The following MCC variants were observed in gnomAD, a reference collection of about 807,000 sequenced individuals.
The protein encoded by MCC is MCC regulator of Wnt signaling pathway, also known as colorectal mutant cancer protein.
A neutral mutation model predicts 116.2 loss-of-function variants in MCC; 90 were observed. The observed-to-expected ratio is 0.77, with a 90% CI of 0.65 to 0.92. The LOEUF is 0.92. Ranked by LOEUF, MCC falls within the 40% of genes least tolerant of loss-of-function variation. The probability of loss-of-function intolerance (pLI) is 0.00; values close to 1 mark genes in which losing one functional copy is unlikely to be tolerated. For missense variants in MCC, 1,516 were observed against 1,312.2 expected (o/e 1.16, Z -2.40); for synonymous variants, 578 against 510.5 (o/e 1.13, Z -1.78).
intron 1 of MCC, among the ~76,000 whole-genome samples, chr5:113,467,212 G>T (rs922972810): frequency 4.6e-5 from 7 of 151,508 alleles, no homozygotes; most frequent in African/African-American, 1.7e-4. Context: ...GTCAATTTTG[G>T]TTTTTGTTGC....
chr5:113,242,733 C>A (rs1561480836), intron 3 of MCC, among the ~76,000 whole-genome samples: 2 of 152,118 alleles, frequency 1.3e-5, no homozygotes. Context: ...AGTTCAAGAC[C>A]ATGCACCACA....
intron 3 of MCC, among the ~76,000 whole-genome samples, chr5:113,303,160 A>G (rs559867330): frequency 6.6e-6 from 1 of 152,342 alleles, no homozygotes. Flanking sequence ...AGGGGATGTC[A>G]ATAGCAGTTG....
chr5:113,159,043 T>C (rs1309069880), intron 3 of MCC, among the ~76,000 whole-genome samples: 1 of 151,998 alleles, frequency 6.6e-6, no homozygotes, highest in Non-Finnish European at 1.5e-5. Flanking sequence ...CCCATGTGAT[T>C]TTGGGTGGGA....
At chr5:113,045,152 G>A (rs1457771867) in intron 16 of MCC, among the ~76,000 whole-genome samples, 6 of 152,058 alleles carry the variant, frequency 3.9e-5, no homozygotes, top group Admixed American at 2.0e-4. Flanking sequence ...TTAACATTTC[G>A]TGAGACTCCT....
intron 3 of MCC, among the ~76,000 whole-genome samples, chr5:113,296,834 T>A (rs1320057581): frequency 2.0e-5 from 3 of 152,236 alleles, no homozygotes; most frequent in African/African-American, 7.2e-5. Flanking sequence ...GTGTTGAATG[T>A]GATTCTGGTG....
At chr5:113,054,223 G>A (rs1436489158) in intron 14 of MCC, among the ~76,000 whole-genome samples, 1 of 152,180 alleles carries the variant, frequency 6.6e-6, no homozygotes, top group Non-Finnish European at 1.5e-5. Flanking sequence ...TTCCACAGAA[G>A]CAAAAAGATA....
intron 10 of MCC, among the ~76,000 whole-genome samples, chr5:113,083,223 A>G (rs1056550206): frequency 6.6e-6 from 1 of 151,984 alleles, no homozygotes; most frequent in African/African-American, 2.4e-5. Context: ...GGATCAAAAT[A>G]TGGCTCCTTC....
chr5:113,202,482 G>A (rs898945063), intron 3 of MCC, among the ~76,000 whole-genome samples: 3 of 152,110 alleles, frequency 2.0e-5, no homozygotes, highest in Admixed American at 6.6e-5. Context: ...TCGACAATAC[G>A]TACATAGTTA....
At chr5:113,476,033 C>G (rs1199767378) in intron 1 of MCC, among the ~76,000 whole-genome samples, 1 of 151,984 alleles carries the variant, frequency 6.6e-6, no homozygotes, top group Non-Finnish European at 1.5e-5. Context: ...TATGTTGACT[C>G]AAAATAAAAA....
At chr5:113,037,380 TG>T (rs1371250192) in intron 17 of MCC, among the ~76,000 whole-genome samples, 2 of 152,206 alleles carry the variant, frequency 1.3e-5, no homozygotes, top group Non-Finnish European at 2.9e-5. Context: ...TCAAGGGCTC[TG>T]TGGGCCACTG....
intron 3 of MCC, among the ~76,000 whole-genome samples, chr5:113,324,721 C>T (rs1829210): frequency 6.6e-6 from 1 of 152,170 alleles, no homozygotes; most frequent in Non-Finnish European, 1.5e-5. Flanking sequence ...AGCTGTTACT[C>T]TGAGCTGACA....
intron 3 of MCC, among the ~76,000 whole-genome samples, chr5:113,253,394 G>C (rs1249564018): frequency 6.6e-6 from 1 of 152,178 alleles, no homozygotes; most frequent in Non-Finnish European, 1.5e-5. Flanking sequence ...CAAGTGATCT[G>C]CCAGGAGGGA....
At chr5:113,418,674 A>G (rs959649726) in intron 1 of MCC, among the ~76,000 whole-genome samples, 1 of 144,796 alleles carries the variant, frequency 6.9e-6, no homozygotes, top group Non-Finnish European at 1.5e-5. Flanking sequence ...CAAGTGGCAA[A>G]ATCTTCATCA....
chr5:113,128,532 A>G (rs1192201092), intron 5 of MCC, among the ~76,000 whole-genome samples: 1 of 152,222 alleles, frequency 6.6e-6, no homozygotes, highest in Non-Finnish European at 1.5e-5. Flanking sequence ...CTTCAATACT[A>G]TCTCCTCTTA....
Position 113,023,277 on chromosome 5 carries a change from G to A in MCC, c.*4025C>T, listed in dbSNP as rs893433112. 5.3e-5 allele frequency: 8 copies of A among 152,176 alleles called. No homozygotes were observed. Among genetic ancestry groups the A allele is most frequent in the African/African-American group, 1.9e-4 (8 of 41,442 alleles). 9.4% of individuals were successfully genotyped at this position (152,176 alleles called of 1,614,324 possible). On this transcript the variant is annotated 3_prime_UTR_variant, in exon 19 of 19. Coordinates refer to ENST00000408903, the MANE Select transcript of MCC (RefSeq NM_001085377.2). ...AAACTTTAAGAACTGGATAGTGAAG[G>A]CGTAACTTTTGTTTTGTAACCAGTT... is the stretch of plus-strand genomic sequence containing the variant.
chr5:113,210,012 G>A (rs1481049790), intron 3 of MCC, among the ~76,000 whole-genome samples: 2 of 152,288 alleles, frequency 1.3e-5, no homozygotes, highest in East Asian at 1.9e-4. Flanking sequence ...GTCTCCACCT[G>A]ACTTAAAGGA....
chr5:113,032,448 T>G lies in MCC; in HGVS notation c.2757-3392A>C, dbSNP rs147985773. Among the ~76,000 whole-genome samples, 15 of 151,916 alleles carry G rather than the reference T, an allele frequency of 9.9e-5. No individual in the cohort carries two copies. In the East Asian group the frequency reaches 2.5e-3, roughly 25 times the overall value. On this transcript the variant is annotated intron_variant, in intron 17 of 18. Transcript: ENST00000408903. Reference sequence around the variant, plus strand: ...AAAAAAAAGGATACTGATTACATGTTGAGATATTTTGGACATACTGGGTTA... The same window carrying G: ...AAAAAAAAGGATACTGATTACATGTGGAGATATTTTGGACATACTGGGTTA...
intron 3 of MCC, among the ~76,000 whole-genome samples, chr5:113,161,579 C>G (rs899872848): frequency 8.6e-5 from 13 of 151,170 alleles, no homozygotes; most frequent in African/African-American, 2.4e-5. Flanking sequence ...GGATTAAGGA[C>G]AATACTTTTT....
At chr5:113,231,301 A>G (rs1763933651) in intron 3 of MCC, among the ~76,000 whole-genome samples, 1 of 152,036 alleles carries the variant, frequency 6.6e-6, no homozygotes, top group South Asian at 2.1e-4. Context: ...CACACTTCCA[A>G]CTCTTTAATT....
Sources: allele counts gnomAD v4.1 joint callset (sites outside exome capture counted in the v4.1 genomes callset), GRCh38; gene constraint gnomAD v4.1.1; transcripts MANE v1.5; gene names NCBI Gene and HGNC (gene_info 2026-07-23, HGNC 2026-07-21).